Variants in DMD observed in about 807,000 individuals in gnomAD.
DMD encodes the protein mutant dystrophin.
DMD carries 63 observed loss-of-function variants against 330.1 expected under a neutral mutation model. The ratio of observed to expected loss-of-function variants is 0.19; its 90% CI spans 0.16 to 0.24. The LOEUF is 0.24. DMD is among the 10% of genes least tolerant of loss of function. The pLI, the probability that DMD is intolerant of heterozygous loss-of-function variation, is 1.00. For missense variants in DMD, 3,344 were observed against 2,684.1 expected (o/e 1.25, Z -5.43); for synonymous variants, 1,223 against 959.8 (o/e 1.27, Z -5.07).
intron 9 of DMD, among the ~76,000 whole-genome samples, chrX:32,674,775 C>T (rs1227754396): frequency 4.5e-5 from 5 of 110,855 alleles, no homozygotes; most frequent in South Asian, 3.8e-4. Flanking sequence ...TGTATGAGTT[C>T]GAAAAGTTAT....
intron 1 of DMD, among the ~76,000 whole-genome samples, chrX:33,094,558 G>A (rs781230183): frequency 1.5e-4 from 17 of 111,773 alleles, no homozygotes; most frequent in Non-Finnish European, 2.6e-4. Flanking sequence ...TGTAATCCCA[G>A]CACTTTGGGA....
chrX:33,317,520 G>A (rs916655813), intron 1 of DMD, among the ~76,000 whole-genome samples: 3 of 111,187 alleles, frequency 2.7e-5, no homozygotes, highest in Non-Finnish European at 5.7e-5. Flanking sequence ...CTTTTATTTA[G>A]ATTCCCATAT....
At chrX:31,313,367 C>T (rs2055693482) in intron 62 of DMD, among the ~76,000 whole-genome samples, 1 of 110,703 alleles carries the variant, frequency 9.0e-6, no homozygotes, top group African/African-American at 3.3e-5. Context: ...CAGGGAAGGA[C>T]TACTAGAGTA....
intron 59 of DMD, among the ~76,000 whole-genome samples, chrX:31,463,826 C>T (rs1406513534): frequency 9.0e-6 from 1 of 111,121 alleles, no homozygotes; most frequent in African/African-American, 3.3e-5. Context: ...AAGATGCCAT[C>T]TATACAACTC....
intron 44 of DMD, among the ~76,000 whole-genome samples, chrX:32,192,466 A>G (rs775605341): frequency 8.9e-6 from 1 of 111,893 alleles, no homozygotes; most frequent in Non-Finnish European, 1.9e-5. Flanking sequence ...TTCAGACTTC[A>G]TTTCTACCTA....
intron 52 of DMD, among the ~76,000 whole-genome samples, chrX:31,723,727 C>T (rs2085777089): frequency 9.2e-6 from 1 of 108,649 alleles, no homozygotes; most frequent in Non-Finnish European, 1.9e-5. Flanking sequence ...ATGTATTCTC[C>T]TGTCATCAAT....
intron 9 of DMD, among the ~76,000 whole-genome samples, chrX:32,660,596 T>C (rs756730099): frequency 6.7e-4 from 75 of 111,619 alleles, no homozygotes; most frequent in Non-Finnish European, 1.1e-3. Context: ...GCTCTCTCCA[T>C]AGCATGAATG....
chrX:31,948,484 C>T (rs2095117917), intron 45 of DMD, among the ~76,000 whole-genome samples: 1 of 111,053 alleles, frequency 9.0e-6, no homozygotes, highest in East Asian at 2.8e-4. Context: ...TCCATTACCA[C>T]CTATGGTGTA....
intron 43 of DMD, among the ~76,000 whole-genome samples, chrX:32,239,995 G>GT (rs1302484780): frequency 9.0e-6 from 1 of 110,946 alleles, no homozygotes; most frequent in Non-Finnish European, 1.9e-5. Context: ...TGTGGCTATT[G>GT]TTTTTTTCCC....
At chrX:32,566,761 T>A in intron 15 of DMD, among the ~76,000 whole-genome samples, 1 of 111,879 alleles carries the variant, frequency 8.9e-6, no homozygotes. Flanking sequence ...TTTACTTGAC[T>A]CAGTAACTTT....
intron 1 of DMD, among the ~76,000 whole-genome samples, chrX:33,247,336 C>G (rs1322209601): frequency 1.8e-5 from 2 of 111,740 alleles, no homozygotes; most frequent in Non-Finnish European, 3.8e-5. Context: ...AATTTAGTAG[C>G]AAATACATGT....
chrX:32,861,259 G>A (rs768902107), intron 2 of DMD, among the ~76,000 whole-genome samples: 8 of 112,085 alleles, frequency 7.1e-5, no homozygotes, highest in Admixed American at 3.8e-4. Flanking sequence ...AATCCATATC[G>A]TCTATAACTT....
chrX:32,172,287 T>C (rs1415555833), intron 44 of DMD, among the ~76,000 whole-genome samples: 2 of 111,869 alleles, frequency 1.8e-5, no homozygotes, highest in African/African-American at 6.5e-5. Flanking sequence ...TTCATAATGA[T>C]ATGAGCAAAA....
chrX:31,329,790 G>C (rs1601905103), intron 61 of DMD, among the ~76,000 whole-genome samples: 1 of 108,427 alleles, frequency 9.2e-6, no homozygotes, highest in East Asian at 2.9e-4. Flanking sequence ...GGCCGATGTG[G>C]TGAAACCCCA....
At chrX:33,309,091 C>T (rs1254430358) in intron 1 of DMD, among the ~76,000 whole-genome samples, 1 of 111,410 alleles carries the variant, frequency 9.0e-6, no homozygotes, top group Non-Finnish European at 1.9e-5. Flanking sequence ...TCTAACAGTA[C>T]ATAACAGAGC....
In DMD at chrX:32,545,170, T is replaced by A. The variant is rs1366140968; in HGVS notation, c.2157A>T (p.Glu719Asp). The change falls in exon 17 of 79, where the codon GAA (glutamate) becomes GAT (aspartate). Residue 719 changes from glutamate to aspartate, a missense_variant. Coordinates refer to ENST00000357033, the MANE Select transcript of DMD (RefSeq NM_004006.3). Reference protein sequence around the residue: ...QKKRQITVDSEIRKRLDVDIT... With the variant: ...QKKRQITVDSDIRKRLDVDIT... Reference sequence around the variant, plus strand: ...TAAGATGCTCTCACCTTTTCCTAATTTCAGAATCCACAGTAATCTGCCTCT... The same window carrying A: ...TAAGATGCTCTCACCTTTTCCTAATATCAGAATCCACAGTAATCTGCCTCT... 3.3e-6 allele frequency: 4 copies of A among 1,210,633 alleles called. No homozygotes were observed. The Admixed American group carries it at 6.5e-5, about 20-fold the overall frequency.
intron 2 of DMD, among the ~76,000 whole-genome samples, chrX:32,893,886 G>A (rs1037240661): frequency 1.8e-5 from 2 of 111,243 alleles, no homozygotes; most frequent in African/African-American, 6.5e-5. Context: ...CATGACAGGA[G>A]CAGAGCCTTG....
At position 32,910,730 on chromosome X, in the gene DMD, C is replaced by T. The variant is rs745974418; in HGVS notation, c.94-60910G>A. On this transcript the variant is annotated intron_variant, in intron 2 of 78. Coordinates refer to ENST00000357033, the MANE Select transcript of DMD (RefSeq NM_004006.3). ...TGCTGGGATTACAGGAGTGAGCCAC[C>T]GCGCCCCGCCCTAGAACACACTTTC... 8.6e-4 allele frequency among the ~76,000 whole-genome samples: 96 copies of T among 111,928 alleles called. 1 individual carries two copies. The highest frequency in any genetic ancestry group is 2.8e-3 in the African/African-American group (85 of 30,809).
At chrX:32,134,138 T>TC (rs767950076) in intron 44 of DMD, among the ~76,000 whole-genome samples, 8 of 111,682 alleles carry the variant, frequency 7.2e-5, no homozygotes, top group Non-Finnish European at 1.5e-4. Context: ...TTCTTTTTTT[T>TC]CACAGCACTT....
Sources: allele counts gnomAD v4.1 joint callset (sites outside exome capture counted in the v4.1 genomes callset), GRCh38; gene constraint gnomAD v4.1.1; transcripts MANE v1.5; gene names NCBI Gene and HGNC (gene_info 2026-07-23, HGNC 2026-07-21).